ZNF197: variants seen among roughly 807,000 people sequenced by gnomAD.
ZNF197 encodes zinc finger protein 197.
A neutral mutation model predicts 27.4 loss-of-function variants in ZNF197; 14 were observed. That is an observed-to-expected ratio of 0.51 (90% confidence interval 0.34 to 0.80). The LOEUF (loss-of-function observed/expected upper bound fraction) is 0.80, where lower values mean the gene tolerates loss of function less well. ZNF197 is among the 30% of genes least tolerant of loss of function. ZNF197 has a pLI of 0.02. For missense variants in ZNF197, 1,090 were observed against 1,222.6 expected, an observed-to-expected ratio of 0.89 and a Z score of 1.62; for synonymous variants, 415 against 420.0, an observed-to-expected ratio of 0.99 and a Z score of 0.15.
chr3:44,631,968 TG>T, intron 3 of ZNF197, 136 bp from the exon 4 acceptor site: 2 of 783,986 alleles, frequency 2.6e-6, no homozygotes, highest in Non-Finnish European at 2.2e-6. Context: ...CCCAAAGCTC[TG>T]GGATTACAGG....
In ZNF197 at chr3:44,629,144, A is replaced by C. The variant is rs2125793912; in HGVS notation, c.-11A>C. 6.3e-7 allele frequency: 1 copy of C among 1,594,114 alleles called. No homozygotes were observed. Among genetic ancestry groups the C allele is most frequent in the East Asian group, 2.2e-5 (1 of 44,780 alleles). On this transcript the variant is annotated 5_prime_UTR_variant, in exon 2 of 6. Transcript: ENST00000344387. ...CCTGGACTGGAGAGGAGCCTTTTTC[A>C]AAAAACAACAATGACAAGAGAAAAT...
At position 44,643,243 on chromosome 3, in the gene ZNF197, C is replaced by G; in HGVS notation, c.2113C>G (p.Pro705Ala). The G allele has an allele frequency of 6.2e-7, 1 of 1,614,070 alleles. No homozygotes were observed. Among genetic ancestry groups the G allele is most frequent in the South Asian group, 1.1e-5 (1 of 91,076 alleles). ...TGAGAGACTCCACAATGGGGAGAAGCCATATGAATGTCGAGAGTGTGGGAA... is the reference window on the plus strand; with the variant it reads ...TGAGAGACTCCACAATGGGGAGAAGGCATATGAATGTCGAGAGTGTGGGAA... ...DHERLHNGEK[P>A]YECRECGKTF... is the part of the protein sequence containing the mutation. The change falls in exon 6 of 6, where the codon CCA (proline) becomes GCA (alanine). Residue 705 changes from proline to alanine, a missense_variant. Coordinates refer to ENST00000344387, the MANE Select transcript of ZNF197 (RefSeq NM_006991.5).
rs925605371 is a variant in ZNF197, at chr3:44,646,182, A to G, written c.*1962A>G. 1.1e-5 allele frequency: 11 copies of G among 981,106 alleles called. No individual in the cohort carries two copies. The highest frequency in any genetic ancestry group is 1.2e-4 in the Admixed American group (2 of 16,256). The allele number at this position is 981,106 out of a possible 1,614,324, so 60.8% of individuals were successfully genotyped here. ...CATCTGCCTCAGAAAAAATCTCTTC[A>G]GTTCTTGGAGCCTTGAATTCCTCAT... On this transcript the variant is annotated 3_prime_UTR_variant, in exon 6 of 6. Coordinates refer to ENST00000344387, the MANE Select transcript of ZNF197 (RefSeq NM_006991.5).
In ZNF197 at chr3:44,626,216, A is replaced by C. The variant is rs537758798; in HGVS notation, c.-82+1073A>C. Among the ~76,000 whole-genome samples the C allele has an allele frequency of 8.5e-5, 13 of 152,250 alleles. No homozygotes were observed. The South Asian group carries it at 2.7e-3, about 32-fold the overall frequency. ...AGTTTTTCTCAATTGCCTTATCCCT[A>C]CTTCGTTTAGAACTTAAGTCATGTG... On this transcript the variant is annotated intron_variant, in intron 1 of 5. Transcript: ENST00000344387.
chr3:44,626,595 C>T (rs1032443232), intron 1 of ZNF197, among the ~76,000 whole-genome samples: 1 of 152,196 alleles, frequency 6.6e-6, no homozygotes, highest in Non-Finnish European at 1.5e-5. Context: ...TGAATAGTTA[C>T]TTTAAAAAAT....
In ZNF197 at chr3:44,642,295, C is replaced by T. The variant is rs189212632; in HGVS notation, c.1165C>T (p.Arg389Trp). Residue 389 changes from arginine to tryptophan, a missense_variant, in exon 6 of 6, where the codon CGG becomes TGG. Physicochemically the swap from Arg to Trp is moderately radical, Grantham distance 101. Coordinates refer to ENST00000344387, the MANE Select transcript of ZNF197 (RefSeq NM_006991.5). ...FNKISHLINH[R>W]RIHTGEKPHK... is the part of the protein sequence containing the mutation. ...TAAAATCTCCCATCTTATAAACCAT[C>T]GGAGAATCCACACTGGTGAGAAACC... 226 of 1,614,022 alleles carry T rather than the reference C, an allele frequency of 1.4e-4. 1 individual carries two copies. Among genetic ancestry groups the T allele is most frequent in the Middle Eastern group, 4.9e-4 (3 of 6,062 alleles).
At chr3:44,630,884 C>T (rs745631074) in intron 2 of ZNF197, 178 bp from the exon 3 acceptor site, 68 of 845,278 alleles carry the variant, frequency 8.0e-5, no homozygotes, top group South Asian at 1.3e-4. Context: ...GAGTGGGGCT[C>T]GAGGGCAGCT....
rs770442454 is a variant in ZNF197, at chr3:44,643,711, CTGAT to C, written c.2585_2588del (p.Ile862AsnfsTer83). 3 of 1,613,994 alleles carry C rather than the reference CTGAT, an allele frequency of 1.9e-6. No homozygotes were observed. In the Admixed American group the frequency reaches 5.0e-5, roughly 27 times the overall value. On this transcript the variant is annotated frameshift_variant, in exon 6 of 6. Coordinates refer to ENST00000344387, the MANE Select transcript of ZNF197 (RefSeq NM_006991.5). LOFTEE classifies it low-confidence loss of function (END_TRUNC). ...AAAAGGTTTTACGTACAACAGAAAC[CTGAT>C]TGAACATCAAAGAATTCACAGTGGA...
intron 5 of ZNF197, among the ~76,000 whole-genome samples, chr3:44,635,222 T>C (rs1478635206): frequency 1.3e-5 from 2 of 151,746 alleles, no homozygotes; most frequent in Non-Finnish European, 2.9e-5. Flanking sequence ...TTCTGGCTCT[T>C]TGAAGAAAAA....
chr3:44,632,049 G>A, intron 3 of ZNF197, 56 bp from the exon 4 acceptor site: 1 of 1,471,630 alleles, frequency 6.8e-7, no homozygotes, highest in South Asian at 1.1e-5. Flanking sequence ...CTCTGCAAGT[G>A]GGGTCACTCA....
In ZNF197 at chr3:44,646,193, C is replaced by G; in HGVS notation, c.*1973C>G. On this transcript the variant is annotated 3_prime_UTR_variant, in exon 6 of 6. Coordinates refer to ENST00000344387, the MANE Select transcript of ZNF197 (RefSeq NM_006991.5). ...GAAAAAATCTCTTCAGTTCTTGGAG[C>G]CTTGAATTCCTCATCTGTTAAACAG... The G allele has an allele frequency of 1.0e-6, 1 of 978,294 alleles. No homozygotes were observed. The highest frequency in any genetic ancestry group is 4.7e-5 in the South Asian group (1 of 21,112). The allele number at this position is 978,294 out of a possible 1,614,324, so 60.6% of individuals were successfully genotyped here. A position where few individuals can be genotyped will look rare whatever the true frequency, so the allele number is the denominator to read the frequency against.
Position 44,642,814 on chromosome 3 carries a change from G to A in ZNF197, c.1684G>A (p.Ala562Thr). ...TATTGACCATCAGCGACTCCACAGT[G>A]CAGAGAACCCTTACAAGTGTAAAGA... ...YLIDHQRLHS[A>T]ENPYKCKECG... Residue 562 changes from alanine to threonine, a missense_variant, in exon 6 of 6, where the codon GCA becomes ACA. Ala to Thr is a moderately conservative substitution (Grantham distance 58). Transcript: ENST00000344387. 6.2e-7 allele frequency: 1 copy of A among 1,613,972 alleles called. No individual in the cohort carries two copies. The highest frequency in any genetic ancestry group is 8.5e-7 in the Non-Finnish European group (1 of 1,180,014).
At chr3:44,630,995 C>T in intron 2 of ZNF197, 67 bp from the exon 3 acceptor site, 1 of 1,606,270 alleles carries the variant, frequency 6.2e-7, no homozygotes, top group Non-Finnish European at 8.5e-7. Flanking sequence ...GAAAGAGGTC[C>T]ACAGTGCTTA....
Position 44,642,079 on chromosome 3 carries a change from A to T in ZNF197, c.949A>T (p.Arg317Trp), listed in dbSNP as rs748835503. ...ASQWGNETDE[R>W]ADTVKKVSLC... is the part of the protein sequence containing the mutation. ...TCAGTGGGGAAATGAAACAGATGAA[A>T]GGGCAGATACAGTGAAGAAAGTTTC... Residue 317 changes from arginine to tryptophan, a missense_variant, in exon 6 of 6, where the codon AGG (arginine) becomes TGG (tryptophan). By Grantham distance (101) the Arg-to-Trp change is moderately radical. Coordinates refer to ENST00000344387, the MANE Select transcript of ZNF197 (RefSeq NM_006991.5). The T allele has an allele frequency of 6.2e-7, 1 of 1,614,158 alleles. No homozygotes were observed. Among genetic ancestry groups the T allele is most frequent in the Non-Finnish European group, 8.5e-7 (1 of 1,180,006 alleles).
chr3:44,642,963 C>CTTAT lies in ZNF197; in HGVS notation c.1833_1834insTTAT (p.His612LeufsTer3), dbSNP rs1408322542. Reference sequence around the variant, plus strand: ...TCAGTTCTAAGTCAAACTTCATTGACCATAAGAGGATGCACAGCAGAGAGA... The same window carrying CTTAT: ...TCAGTTCTAAGTCAAACTTCATTGACTTATCATAAGAGGATGCACAGCAGAGAGA... On this transcript the variant is annotated frameshift_variant, in exon 6 of 6. Coordinates refer to ENST00000344387, the MANE Select transcript of ZNF197 (RefSeq NM_006991.5). LOFTEE classifies it low-confidence loss of function (END_TRUNC). 1 of 1,613,696 alleles carries CTTAT rather than the reference C, an allele frequency of 6.2e-7. No homozygotes were observed. The highest frequency in any genetic ancestry group is 8.5e-7 in the Non-Finnish European group (1 of 1,179,978).
Position 44,645,036 on chromosome 3 carries a change from A to G in ZNF197, c.*816A>G, listed in dbSNP as rs557740990. 16 of 985,428 alleles carry G rather than the reference A, an allele frequency of 1.6e-5. 1 individual carries two copies. The African/African-American group carries it at 2.3e-4, about 14-fold the overall frequency. The allele number at this position is 985,428 out of a possible 1,614,324, so 61.0% of individuals were successfully genotyped here. A position where few individuals can be genotyped will look rare whatever the true frequency, so the allele number is the denominator to read the frequency against. On this transcript the variant is annotated 3_prime_UTR_variant, in exon 6 of 6. Transcript: ENST00000344387. ...GGCGGACAAGAGTCTGCTGATGAGGACAACCTAAAAGAGCACTGGATTTGG... is the reference window on the plus strand; with the variant it reads ...GGCGGACAAGAGTCTGCTGATGAGGGCAACCTAAAAGAGCACTGGATTTGG...
chr3:44,635,598 T>C (rs1023032439), intron 5 of ZNF197, among the ~76,000 whole-genome samples: 4 of 152,224 alleles, frequency 2.6e-5, no homozygotes, highest in African/African-American at 9.7e-5. Context: ...TTGTACATAC[T>C]ACTTCAGTAT....
chr3:44,638,163 A>G (rs968622788), intron 5 of ZNF197, among the ~76,000 whole-genome samples: 1 of 152,182 alleles, frequency 6.6e-6, no homozygotes, highest in African/African-American at 2.4e-5. Context: ...ATATAAGAAT[A>G]TAAGTTTTTC....
Position 44,630,867 on chromosome 3 carries a change from G to A in ZNF197, c.391-195G>A, listed in dbSNP as rs895773272. ...CAGTCTCCTCTGGGAGAGGTCACCA[G>A]TGCCATGAGTGGGGCTCGAGGGCAG... On this transcript the variant is annotated intron_variant, in intron 2 of 5. Transcript: ENST00000344387. The A allele has an allele frequency of 9.4e-6, 7 of 747,148 alleles. No homozygotes were observed. In the African/African-American group the frequency reaches 1.2e-4, roughly 13 times the overall value. 46.3% of individuals were successfully genotyped at this position (747,148 alleles called of 1,614,324 possible).
Sources: allele counts gnomAD v4.1 joint callset (sites outside exome capture counted in the v4.1 genomes callset), GRCh38; gene constraint gnomAD v4.1.1; transcripts MANE v1.5; gene names NCBI Gene and HGNC (gene_info 2026-07-23, HGNC 2026-07-21).